ADGRV1: variants seen among roughly 807,000 people sequenced by gnomAD.
The protein encoded by ADGRV1 is G-protein coupled receptor 98.
ADGRV1 carries 359 observed loss-of-function variants against 596.2 expected under a neutral mutation model. The ratio of observed to expected loss-of-function variants is 0.60; its 90% CI spans 0.55 to 0.66. The LOEUF (loss-of-function observed/expected upper bound fraction) is 0.66, where lower values mean the gene tolerates loss of function less well. Among genes scored for constraint, ADGRV1 ranks in the 30% least tolerant of loss-of-function variants. The pLI, the probability that ADGRV1 is intolerant of heterozygous loss-of-function variation, is 0.00. For missense variants in ADGRV1, 7,274 were observed against 7,575.6 expected (o/e 0.96, Z 1.48); for synonymous variants, 2,681 against 2,679.2 (o/e 1.00, Z -0.02).
At chr5:90,573,530 G>T (rs971484785) in intron 1 of ADGRV1, among the ~76,000 whole-genome samples, 1 of 151,636 alleles carries the variant, frequency 6.6e-6, no homozygotes, top group Non-Finnish European at 1.5e-5. Context: ...AAGAATTTGT[G>T]TATCTACACA....
At chr5:90,770,946 A>G (rs1757630164) in intron 59 of ADGRV1, among the ~76,000 whole-genome samples, 1 of 152,148 alleles carries the variant, frequency 6.6e-6, no homozygotes, top group African/African-American at 2.4e-5. Context: ...TTTATAATCT[A>G]TCTTAAACAT....
At chr5:91,106,078 G>A (rs1394255038) in intron 87 of ADGRV1, among the ~76,000 whole-genome samples, 1 of 151,720 alleles carries the variant, frequency 6.6e-6, no homozygotes, top group Admixed American at 6.6e-5. Context: ...TTTTCTTCCA[G>A]TAATTTTATA....
At chr5:90,999,105 T>C (rs1005181036) in intron 85 of ADGRV1, among the ~76,000 whole-genome samples, 1 of 152,002 alleles carries the variant, frequency 6.6e-6, no homozygotes, top group Non-Finnish European at 1.5e-5. Flanking sequence ...CTTGCTCTTT[T>C]CTTGTTTCCT....
At chr5:90,716,411 A>G in intron 42 of ADGRV1, 56 bp from the exon 43 acceptor site, 2 of 1,297,324 alleles carry the variant, frequency 1.5e-6, no homozygotes, top group Non-Finnish European at 2.1e-6. Flanking sequence ...CACTTTTTTC[A>G]GCATTTATAA....
intron 2 of ADGRV1, chr5:90,617,543 C>A (rs557980318): frequency 3.8e-6 from 1 of 265,392 alleles, no homozygotes; most frequent in Non-Finnish European, 7.2e-6. Context: ...CTCCTGACCT[C>A]GTGATCCGCC....
At chr5:90,780,116 G>A (rs943729388) in intron 64 of ADGRV1, 4 of 152,244 alleles carry the variant, frequency 2.6e-5, no homozygotes, top group South Asian at 2.1e-4. Flanking sequence ...AAAAGTAGTC[G>A]TTTAGTGTGA....
chr5:90,673,220 C>T lies in ADGRV1; in HGVS notation c.4929+498C>T, dbSNP rs537206174. Among the ~76,000 whole-genome samples the T allele has an allele frequency of 2.0e-5, 3 of 152,184 alleles. No homozygotes were observed. The South Asian group carries it at 6.2e-4, about 32-fold the overall frequency. ...TGAATCTATTTTCTAAAATACTGTTCCTGAGCACGTCAGGCTCTCCTTAGG... is the reference window on the plus strand; with the variant it reads ...TGAATCTATTTTCTAAAATACTGTTTCTGAGCACGTCAGGCTCTCCTTAGG... On this transcript the variant is annotated intron_variant, in intron 22 of 89. Transcript: ENST00000405460.
At chr5:90,704,672 C>T (rs1267197350) in intron 36 of ADGRV1, among the ~76,000 whole-genome samples, 184 bp downstream of exon 36, 1 of 152,070 alleles carries the variant, frequency 6.6e-6, no homozygotes, top group African/African-American at 2.4e-5. Flanking sequence ...TCTTTATAGA[C>T]TAGGAAAGAA....
intron 84 of ADGRV1, among the ~76,000 whole-genome samples, chr5:90,982,064 G>A (rs990555048): frequency 6.6e-6 from 1 of 152,004 alleles, no homozygotes; most frequent in African/African-American, 2.4e-5. Flanking sequence ...CTCCAGCCTG[G>A]GTGACAGAGC....
At chr5:90,584,510 G>T (rs989688347) in intron 1 of ADGRV1, among the ~76,000 whole-genome samples, 1 of 152,192 alleles carries the variant, frequency 6.6e-6, no homozygotes. Flanking sequence ...GGTAGAGCTT[G>T]GTGGGGACCA....
chr5:90,611,953 C>A (rs950149594), intron 1 of ADGRV1, among the ~76,000 whole-genome samples: 3 of 151,880 alleles, frequency 2.0e-5, no homozygotes, highest in African/African-American at 7.3e-5. Context: ...TCTTTAAATT[C>A]TATTGAATGC....
chr5:90,701,031 G>A (rs1747843599), intron 34 of ADGRV1, among the ~76,000 whole-genome samples: 1 of 152,004 alleles, frequency 6.6e-6, no homozygotes, highest in Non-Finnish European at 1.5e-5. Context: ...TCTGCATTAG[G>A]TTAGTCCTAG....
At chr5:90,581,546 G>C (rs1758060010) in intron 1 of ADGRV1, among the ~76,000 whole-genome samples, 1 of 152,134 alleles carries the variant, frequency 6.6e-6, no homozygotes, top group African/African-American at 2.4e-5. Flanking sequence ...GTTTGCTGGA[G>C]GTCCACTCCA....
At chr5:91,073,249 A>T (rs2151397460) in intron 86 of ADGRV1, among the ~76,000 whole-genome samples, 1 of 152,288 alleles carries the variant, frequency 6.6e-6, no homozygotes, top group Middle Eastern at 3.4e-3. Context: ...ACACCTACAT[A>T]CAGAAAATGC....
rs751501544 is a variant in ADGRV1 at position 90,653,917 on chromosome 5, G to A, written c.4343G>A (p.Gly1448Glu). The A allele has an allele frequency of 6.4e-7, 1 of 1,565,466 alleles. No individual in the cohort carries two copies. Among genetic ancestry groups the A allele is most frequent in the Non-Finnish European group, 8.7e-7 (1 of 1,154,128 alleles). The change falls in exon 20 of 90, where the codon GGA (glycine) becomes GAA (glutamate). Residue 1448 changes from glycine (G) to glutamate (E), a missense_variant. Physicochemically the swap from Gly to Glu is moderately conservative, Grantham distance 98 (BLOSUM62 -2). Around this residue, in one of 5 missense-constraint regions of ADGRV1, gnomAD observed 38 missense variants for 66.7 expected, o/e 0.57. Transcript: ENST00000405460. ...CTGGATGGAAATGCAATGCCCAGGG[G>A]AATCAAGAGTCTGAAAGGAGAAGCC... ...FYLDGNAMPR[G>E]IKSLKGEAIT...
chr5:91,160,100 A>C (rs1796821249), intron 89 of ADGRV1, among the ~76,000 whole-genome samples: 1 of 152,200 alleles, frequency 6.6e-6, no homozygotes, highest in Admixed American at 6.5e-5. Context: ...CATGGTAAAC[A>C]TTTCCATATG....
chr5:90,822,765 G>T (rs1763694378), intron 75 of ADGRV1, among the ~76,000 whole-genome samples: 1 of 152,156 alleles, frequency 6.6e-6, no homozygotes, highest in Non-Finnish European at 1.5e-5. Flanking sequence ...CCATAAGCAT[G>T]GAATGTTCTT....
At chr5:90,690,221 C>T (rs1746291355) in intron 30 of ADGRV1, 145 bp downstream of exon 30, 2 of 588,336 alleles carry the variant, frequency 3.4e-6, no homozygotes, top group African/African-American at 1.9e-5. Flanking sequence ...CATCTGTACA[C>T]AGTTATTGGC....
chr5:90,614,396 G>T (rs1763083030), intron 1 of ADGRV1, among the ~76,000 whole-genome samples: 1 of 152,026 alleles, frequency 6.6e-6, no homozygotes, highest in African/African-American at 2.4e-5. Flanking sequence ...CACCAACCAA[G>T]AAATCAATTT....
Sources: gnomAD v4.1 joint callset for allele counts (sites outside exome capture counted in the v4.1 genomes callset) on GRCh38, gnomAD v4.1.1 for gene constraint, gnomAD v4.1.1 regional missense constraint, MANE v1.5 for transcripts, NCBI Gene and HGNC (gene_info 2026-07-23, HGNC 2026-07-21) for gene names.